The following MAPK10 variants were observed in gnomAD, a reference collection of about 807,000 sequenced individuals.
MAPK10 encodes mitogen-activated protein kinase 10, also known as JNK3 alpha protein kinase.
A neutral mutation model predicts 59.3 loss-of-function variants in MAPK10; 25 were observed. The observed-to-expected ratio is 0.42, with a 90% CI of 0.31 to 0.59. The LOEUF is 0.59. Among genes scored for constraint, MAPK10 ranks in the 20% least tolerant of loss-of-function variants. The pLI is 0.15. For missense variants in MAPK10, 351 were observed against 568.9 expected, an observed-to-expected ratio of 0.62 and a Z score of 3.90; for synonymous variants, 190 against 200.5, an observed-to-expected ratio of 0.95 and a Z score of 0.44.
chr4:86,478,497 A>G (rs1753309961), intron 1 of MAPK10, among the ~76,000 whole-genome samples: 1 of 151,816 alleles, frequency 6.6e-6, no homozygotes, highest in Non-Finnish European at 1.5e-5. Context: ...ACTATGCTCA[A>G]CTCACTCTCT....
intron 1 of MAPK10, among the ~76,000 whole-genome samples, chr4:86,436,928 T>A (rs536936753): frequency 9.9e-5 from 15 of 152,172 alleles, no homozygotes; most frequent in Admixed American, 5.2e-4. Context: ...AAAAATGATG[T>A]TTGGCCAGGC....
chr4:86,208,540 C>T (rs2084833148), intron 2 of MAPK10, among the ~76,000 whole-genome samples: 2 of 151,536 alleles, frequency 1.3e-5, no homozygotes, highest in African/African-American at 4.9e-5. Context: ...AATTCAACAA[C>T]ACTTCATGCT....
intron 2 of MAPK10, among the ~76,000 whole-genome samples, chr4:86,311,334 T>C (rs1486018619): frequency 6.6e-6 from 1 of 152,142 alleles, no homozygotes. Flanking sequence ...TTACCTCTTT[T>C]ATGATTCTCA....
intron 1 of MAPK10, among the ~76,000 whole-genome samples, chr4:86,359,071 T>C (rs2148980001): frequency 6.6e-6 from 1 of 152,178 alleles, no homozygotes; most frequent in African/African-American, 2.4e-5. Context: ...GTTTTATATC[T>C]AATATATATA....
At position 86,015,744 on chromosome 4, in the gene MAPK10, A is replaced by C. The variant is rs1743078060; in HGVS notation, c.*1484T>G. The stretch of plus-strand genomic sequence containing the variant: ...TTGGCAGCAGTAAATTTATGGGCAG[A>C]GTTATTGCTCTTACATCTACTGCAG... On this transcript the variant is annotated 3_prime_UTR_variant, in exon 14 of 14. Coordinates refer to ENST00000641462, the MANE Select transcript of MAPK10 (RefSeq NM_138982.4). 1 of 152,214 alleles carries C rather than the reference A, an allele frequency of 6.6e-6. No individual in the cohort carries two copies. The highest frequency in any genetic ancestry group is 1.5e-5 in the Non-Finnish European group (1 of 68,028). 9.4% of individuals were successfully genotyped at this position (152,214 alleles called of 1,614,324 possible).
chr4:86,021,065 C>T (rs974252794), intron 13 of MAPK10, among the ~76,000 whole-genome samples: 3 of 152,136 alleles, frequency 2.0e-5, no homozygotes, highest in Non-Finnish European at 1.5e-5. Flanking sequence ...AGGTTCTCCA[C>T]GTCCCCATCA....
At chr4:86,275,874 T>C (rs1379338064) in intron 2 of MAPK10, among the ~76,000 whole-genome samples, 3 of 152,084 alleles carry the variant, frequency 2.0e-5, no homozygotes, top group Non-Finnish European at 4.4e-5. Flanking sequence ...ATATTTGATT[T>C]GGTATTTAAA....
intron 1 of MAPK10, among the ~76,000 whole-genome samples, chr4:86,573,219 CAAAG>C (rs1761602596): frequency 6.6e-6 from 1 of 152,154 alleles, no homozygotes; most frequent in Non-Finnish European, 1.5e-5. Flanking sequence ...TCAAAGGTCA[CAAAG>C]AATTTCCCCT....
chr4:86,263,518 C>G (rs775220684), intron 2 of MAPK10, among the ~76,000 whole-genome samples: 3 of 152,078 alleles, frequency 2.0e-5, no homozygotes, highest in Non-Finnish European at 4.4e-5. Flanking sequence ...CCTTGCTTTA[C>G]TTTCCCTGGT....
chr4:86,335,721 T>G (rs1720874500), intron 2 of MAPK10, among the ~76,000 whole-genome samples: 1 of 152,134 alleles, frequency 6.6e-6, no homozygotes, highest in Non-Finnish European at 1.5e-5. Context: ...CTCAGGAAAC[T>G]TACAATCATG....
intron 2 of MAPK10, among the ~76,000 whole-genome samples, chr4:86,197,132 C>G (rs1436936647): frequency 6.6e-6 from 1 of 152,136 alleles, no homozygotes; most frequent in East Asian, 1.9e-4. Flanking sequence ...TAGCATTGAT[C>G]TATAAATTAC....
rs1343312868 is a variant in MAPK10 at position 86,103,198 on chromosome 4, T to C, written c.413A>G (p.Glu138Gly). Residue 138 changes from glutamate to glycine, a missense_variant, in exon 6 of 14, where the codon GAG becomes GGG. Coordinates refer to ENST00000641462, the MANE Select transcript of MAPK10 (RefSeq NM_138982.4). ...NVFTPQKTLE[E>G]FQDVYLVMEL... ...TTTTGTTACTTACACATCTTGGAAC[T>C]CCTCCAGCGTTTTCTGGGGTGTGAA... 2 of 1,609,270 alleles carry C rather than the reference T, an allele frequency of 1.2e-6. No homozygotes were observed. Among genetic ancestry groups the C allele is most frequent in the Non-Finnish European group, 1.7e-6 (2 of 1,176,566 alleles).
chr4:86,113,549 C>T (rs774754442), intron 4 of MAPK10, among the ~76,000 whole-genome samples: 4 of 152,204 alleles, frequency 2.6e-5, no homozygotes, highest in Non-Finnish European at 2.9e-5. Flanking sequence ...GGCCTCCAAT[C>T]TCTTCAGACT....
intron 2 of MAPK10, among the ~76,000 whole-genome samples, chr4:86,269,968 C>A (rs1050625756): frequency 6.6e-6 from 1 of 151,850 alleles, no homozygotes; most frequent in African/African-American, 2.4e-5. Flanking sequence ...ATATTATAGT[C>A]CAAAAATTCT....
At chr4:86,045,522 T>G (rs1237011724) in intron 11 of MAPK10, among the ~76,000 whole-genome samples, 1 of 152,084 alleles carries the variant, frequency 6.6e-6, no homozygotes, top group Non-Finnish European at 1.5e-5. Context: ...TACAGATCTA[T>G]CCTCCTGCCT....
intron 3 of MAPK10, among the ~76,000 whole-genome samples, chr4:86,188,610 T>C (rs779008080): frequency 4.6e-5 from 7 of 152,188 alleles, no homozygotes; most frequent in Non-Finnish European, 7.4e-5. Context: ...TATTTTCTCA[T>C]AAATTTAAGT....
intron 11 of MAPK10, among the ~76,000 whole-genome samples, chr4:86,042,554 A>T (rs1246302768): frequency 6.6e-6 from 1 of 152,202 alleles, no homozygotes; most frequent in Admixed American, 6.6e-5. Context: ...CAAAAATTTT[A>T]AATGTGGGAG....
chr4:86,339,377 A>C (rs1722716889), intron 2 of MAPK10, among the ~76,000 whole-genome samples: 1 of 152,116 alleles, frequency 6.6e-6, no homozygotes, highest in South Asian at 2.1e-4. Context: ...TTTCACACAC[A>C]CCACTGAGGT....
At chr4:86,275,409 G>T (rs961465241) in intron 2 of MAPK10, among the ~76,000 whole-genome samples, 1 of 151,868 alleles carries the variant, frequency 6.6e-6, no homozygotes, top group Non-Finnish European at 1.5e-5. Flanking sequence ...CACTTCTAGC[G>T]AATGACCCCA....
Sources: gnomAD v4.1 joint callset for allele counts (sites outside exome capture counted in the v4.1 genomes callset) on GRCh38, gnomAD v4.1.1 for gene constraint, MANE v1.5 for transcripts, NCBI Gene and HGNC (gene_info 2026-07-23, HGNC 2026-07-21) for gene names.